CADM2: variants seen among roughly 807,000 people sequenced by gnomAD.
CADM2 encodes immunoglobulin superfamily member 4D.
In CADM2, 12 loss-of-function variants were observed where a neutral mutation model predicts 49.8. The ratio of observed to expected loss-of-function variants is 0.24; its 90% CI spans 0.15 to 0.39. The LOEUF (loss-of-function observed/expected upper bound fraction) is 0.39, where lower values mean the gene tolerates loss of function less well. Among genes scored for constraint, CADM2 ranks in the 10% least tolerant of loss-of-function variants. The pLI, the probability that CADM2 is intolerant of heterozygous loss-of-function variation, is 1.00. For missense variants in CADM2, 378 were observed against 492.3 expected (o/e 0.77, Z 2.20); for synonymous variants, 214 against 175.4 (o/e 1.22, Z -1.74).
At chr3:85,907,573 A>G (rs1447112690) in intron 5 of CADM2, among the ~76,000 whole-genome samples, 3 of 152,180 alleles carry the variant, frequency 2.0e-5, no homozygotes. Flanking sequence ...GATGGCTGAT[A>G]AAGAGGTCTA....
intron 8 of CADM2, among the ~76,000 whole-genome samples, chr3:86,020,515 C>G (rs1732998958): frequency 6.6e-6 from 1 of 151,470 alleles, no homozygotes; most frequent in African/African-American, 2.4e-5. Context: ...GATACCAAAG[C>G]CAGGCAGAGA....
intron 1 of CADM2, among the ~76,000 whole-genome samples, chr3:85,009,617 G>A (rs930770703): frequency 1.9e-4 from 29 of 152,062 alleles, no homozygotes; most frequent in Non-Finnish European, 8.8e-5. Context: ...TGTAATCCTA[G>A]CACTTTGGGA....
intron 8 of CADM2, among the ~76,000 whole-genome samples, chr3:85,984,096 A>C (rs1727797100): frequency 6.7e-6 from 1 of 149,634 alleles, no homozygotes; most frequent in Non-Finnish European, 1.5e-5. Flanking sequence ...TATATATGAT[A>C]TATGCTTTAT....
At chr3:85,975,423 A>G (rs4303861) in intron 8 of CADM2, among the ~76,000 whole-genome samples, 56,500 of 151,132 alleles carry the variant, frequency 0.37, 10,743 homozygotes, top group Admixed American at 0.43. Context: ...TCTGATTTTG[A>G]TGAACTTCAT....
At chr3:85,810,221 C>T (rs1577364909) in intron 3 of CADM2, among the ~76,000 whole-genome samples, 1 of 152,108 alleles carries the variant, frequency 6.6e-6, no homozygotes, top group East Asian at 1.9e-4. Flanking sequence ...AAATTGACAT[C>T]TCTTTTCTCC....
chr3:85,894,116 G>T (rs1301772003), intron 5 of CADM2, among the ~76,000 whole-genome samples: 1 of 152,206 alleles, frequency 6.6e-6, no homozygotes, highest in Non-Finnish European at 1.5e-5. Context: ...AACAATGATA[G>T]ACTGGATTAA....
chr3:85,725,754 T>C (rs1378187452), intron 1 of CADM2, among the ~76,000 whole-genome samples: 1 of 152,080 alleles, frequency 6.6e-6, no homozygotes, highest in Non-Finnish European at 1.5e-5. Flanking sequence ...TACAGTTTTC[T>C]AGTCTCATGT....
chr3:85,591,829 A>T (rs1576883885), intron 1 of CADM2, among the ~76,000 whole-genome samples: 3 of 152,166 alleles, frequency 2.0e-5, no homozygotes, highest in South Asian at 2.1e-4. Context: ...TGAATTCTAT[A>T]TAGAGAAAAT....
At chr3:85,545,840 A>C (rs912285394) in intron 1 of CADM2, among the ~76,000 whole-genome samples, 5 of 152,146 alleles carry the variant, frequency 3.3e-5, no homozygotes, top group Non-Finnish European at 7.4e-5. Flanking sequence ...GTCAGGTTGG[A>C]TGAAGAAGAA....
chr3:86,022,611 A>C (rs372834894), intron 8 of CADM2, among the ~76,000 whole-genome samples: 1 of 152,274 alleles, frequency 6.6e-6, no homozygotes, highest in African/African-American at 2.4e-5. Context: ...CTGTTTCTAC[A>C]GTTTGAGTAA....
chr3:84,979,316 G>A (rs1041088991), intron 1 of CADM2, among the ~76,000 whole-genome samples: 7 of 152,132 alleles, frequency 4.6e-5, no homozygotes, highest in African/African-American at 1.2e-4. Flanking sequence ...TGGAGGAAAC[G>A]TGTATATTTA....
chr3:86,044,765 T>A (rs1736429535), intron 8 of CADM2, among the ~76,000 whole-genome samples: 1 of 152,122 alleles, frequency 6.6e-6, no homozygotes, highest in Non-Finnish European at 1.5e-5. Flanking sequence ...TGCACACATG[T>A]TTATTGCGGC....
chr3:85,098,947 T>A (rs998522855), intron 1 of CADM2, among the ~76,000 whole-genome samples: 1 of 152,214 alleles, frequency 6.6e-6, no homozygotes, highest in Non-Finnish European at 1.5e-5. Context: ...TTGGGCACAC[T>A]ACTATTGACA....
At chr3:85,738,471 A>T in intron 2 of CADM2, among the ~76,000 whole-genome samples, 1 of 152,236 alleles carries the variant, frequency 6.6e-6, no homozygotes, top group East Asian at 1.9e-4. Context: ...AAGTGTTAAC[A>T]AATGCTTTGG....
chr3:85,040,765 C>T (rs2035402578), intron 1 of CADM2, among the ~76,000 whole-genome samples: 1 of 152,108 alleles, frequency 6.6e-6, no homozygotes, highest in Non-Finnish European at 1.5e-5. Flanking sequence ...GATAAATTTT[C>T]ACTACATTCA....
chr3:85,209,568 C>T (rs545796412), intron 1 of CADM2, among the ~76,000 whole-genome samples: 1 of 152,098 alleles, frequency 6.6e-6, no homozygotes, highest in Non-Finnish European at 1.5e-5. Flanking sequence ...CATCATTTCC[C>T]CCTCATTTGA....
chr3:85,010,509 T>A (rs539037296), intron 1 of CADM2, among the ~76,000 whole-genome samples: 35 of 152,304 alleles, frequency 2.3e-4, no homozygotes, highest in African/African-American at 7.9e-4. Context: ...TATTACTGAC[T>A]TTGAAGCTGA....
At chr3:85,580,015 G>A (rs1289542347) in intron 1 of CADM2, among the ~76,000 whole-genome samples, 1 of 152,054 alleles carries the variant, frequency 6.6e-6, no homozygotes, top group African/African-American at 2.4e-5. Flanking sequence ...TAATTCCATT[G>A]TTTTTACTCA....
chr3:86,016,602 C>T (rs1476406572), intron 8 of CADM2, among the ~76,000 whole-genome samples: 1 of 152,114 alleles, frequency 6.6e-6, no homozygotes, highest in Non-Finnish European at 1.5e-5. Context: ...AACACATTAT[C>T]CTTCTCTGCG....
Sources: gnomAD v4.1 joint callset for allele counts (sites outside exome capture counted in the v4.1 genomes callset) on GRCh38, gnomAD v4.1.1 for gene constraint, MANE v1.5 for transcripts, NCBI Gene and HGNC (gene_info 2026-07-23, HGNC 2026-07-21) for gene names.